The following EHMT1 variants were observed in gnomAD, a reference collection of about 807,000 sequenced individuals.
EHMT1 encodes the protein euchromatic histone lysine methyltransferase 1.
In EHMT1, 15 loss-of-function variants were observed where a neutral mutation model predicts 147.2. The ratio of observed to expected loss-of-function variants is 0.10; its 90% CI spans 0.07 to 0.16. The LOEUF (loss-of-function observed/expected upper bound fraction) is 0.16, where lower values mean the gene tolerates loss of function less well. Ranked by LOEUF, EHMT1 falls within the 10% of genes least tolerant of loss-of-function variation. EHMT1 has a pLI of 1.00. For missense variants in EHMT1, 1,587 were observed against 1,772.4 expected, an observed-to-expected ratio of 0.90 and a Z score of 1.88; for synonymous variants, 795 against 709.6, an observed-to-expected ratio of 1.12 and a Z score of -1.91.
At chr9:137,781,697 G>T (rs1228826508) in intron 14 of EHMT1, among the ~76,000 whole-genome samples, 1 of 152,204 alleles carries the variant, frequency 6.6e-6, no homozygotes, top group Non-Finnish European at 1.5e-5. Flanking sequence ...GACGTTCATC[G>T]TCTCTGGGTT....
At chr9:137,734,659 T>C (rs1320374750) in intron 4 of EHMT1, among the ~76,000 whole-genome samples, 1 of 152,216 alleles carries the variant, frequency 6.6e-6, no homozygotes, top group Non-Finnish European at 1.5e-5. Flanking sequence ...CACGTTATAC[T>C]TGAGACACTT....
intron 1 of EHMT1, among the ~76,000 whole-genome samples, chr9:137,640,656 A>G (rs1360253850): frequency 6.6e-6 from 1 of 152,244 alleles, no homozygotes; most frequent in African/African-American, 2.4e-5. Flanking sequence ...AAAAAATGCT[A>G]GAATTCTCTG....
rs1273782554 is a variant in EHMT1 at position 137,728,353 on chromosome 9, C to T, written c.647C>T (p.Ala216Val). The T allele has an allele frequency of 6.2e-7, 1 of 1,614,178 alleles. No homozygotes were observed. Among genetic ancestry groups the T allele is most frequent in the Non-Finnish European group, 8.5e-7 (1 of 1,180,038 alleles). The change falls in exon 4 of 27, where the codon GCA becomes GTA. Residue 216 changes from alanine (A) to valine (V), a missense_variant. Around this residue, in one of 7 missense-constraint regions of EHMT1, gnomAD observed 810 missense variants for 673.0 expected, o/e 1.20. Coordinates refer to ENST00000460843, the MANE Select transcript of EHMT1 (RefSeq NM_024757.5). ...TMPKSVVGLH[A>V]ASKDPREVRE... ...TTCACTGTCTTTGTTTTGAAGCATG[C>T]AGCCAGTAAAGATCCCAGAGAAGTT...
intron 9 of EHMT1, among the ~76,000 whole-genome samples, chr9:137,759,873 C>G (rs1000393872): frequency 6.6e-6 from 1 of 152,118 alleles, no homozygotes; most frequent in African/African-American, 2.4e-5. Flanking sequence ...CAGGCGCCAT[C>G]GGCCTGTGGA....
In EHMT1 at chr9:137,681,026, C is replaced by T. The variant is rs185247060; in HGVS notation, c.22-29941C>T. The T allele has an allele frequency of 1.6e-3, 250 of 152,390 alleles. 3 individuals carry two copies. Among genetic ancestry groups the T allele is most frequent in the South Asian group, 7.5e-3 (36 of 4,822 alleles). The allele number at this position is 152,390 out of a possible 1,614,324, so 9.4% of individuals were successfully genotyped here. A position where few individuals can be genotyped will look rare whatever the true frequency, so the allele number is the denominator to read the frequency against. On this transcript the variant is annotated intron_variant, in intron 1 of 26. Coordinates refer to ENST00000460843, the MANE Select transcript of EHMT1 (RefSeq NM_024757.5). ...AAAGTGCTATTTTGGGTTTTATACT[C>T]GGGGCCACCTGACCCGCTGGACTGA...
intron 1 of EHMT1, among the ~76,000 whole-genome samples, chr9:137,709,059 T>A (rs1022270569): frequency 6.6e-6 from 1 of 152,130 alleles, no homozygotes; most frequent in Admixed American, 6.6e-5. Flanking sequence ...GTTGCTGGAG[T>A]ACACTTCGGT....
At chr9:137,758,655 T>C (rs1300700494) in intron 9 of EHMT1, among the ~76,000 whole-genome samples, 1 of 152,128 alleles carries the variant, frequency 6.6e-6, no homozygotes, top group African/African-American at 2.4e-5. Flanking sequence ...GAAATGCAAA[T>C]CTTATTTACA....
chr9:137,812,743 G>A (rs982728889), intron 19 of EHMT1, among the ~76,000 whole-genome samples: 4 of 152,214 alleles, frequency 2.6e-5, no homozygotes, highest in African/African-American at 4.8e-5. Context: ...ATCAAATGCC[G>A]CCCTGGATTT....
chr9:137,724,099 TTC>T, intron 3 of EHMT1, among the ~76,000 whole-genome samples: 1 of 152,224 alleles, frequency 6.6e-6, no homozygotes, highest in Non-Finnish European at 1.5e-5. Context: ...CCCCTTGTTT[TTC>T]TCTCTGTGTG....
chr9:137,781,340 TGTG>T lies in EHMT1; in HGVS notation c.2276-947_2276-945del, dbSNP rs1391100849. On this transcript the variant is annotated intron_variant, in intron 14 of 26. Transcript: ENST00000460843. ...GATGTGTGGTGATGACGCTGAGACG[TGTG>T]GTGATGACGCTGAGACGTGTGGTGA... Among the ~76,000 whole-genome samples the T allele has an allele frequency of 6.5e-4, 95 of 145,728 alleles. 1 individual carries two copies. The highest frequency in any genetic ancestry group is 2.2e-3 in the African/African-American group (87 of 39,294).
chr9:137,641,071 T>G, intron 1 of EHMT1: 1 of 248,192 alleles, frequency 4.0e-6, no homozygotes, highest in Non-Finnish European at 7.9e-6. Context: ...CTTCGTCTTC[T>G]CCTTCTTTAT....
chr9:137,829,878 G>A (rs961224365), intron 25 of EHMT1, among the ~76,000 whole-genome samples: 1 of 152,200 alleles, frequency 6.6e-6, no homozygotes, highest in Non-Finnish European at 1.5e-5. Flanking sequence ...TGGCCACCCC[G>A]AGCATCCATG....
At chr9:137,743,130 G>C (rs546222680) in intron 4 of EHMT1, 200 of 497,302 alleles carry the variant, frequency 4.0e-4, no homozygotes, top group Non-Finnish European at 6.5e-4. Flanking sequence ...TCCGTGTTTT[G>C]TTGTGAATGG....
At chr9:137,770,537 G>T (rs1713778960) in intron 10 of EHMT1, among the ~76,000 whole-genome samples, 1 of 152,184 alleles carries the variant, frequency 6.6e-6, no homozygotes, top group Admixed American at 6.5e-5. Context: ...TAATTCTCTG[G>T]GGGGAAGAAG....
chr9:137,780,583 G>GGCATCA (rs1951354693), intron 14 of EHMT1, among the ~76,000 whole-genome samples: 1 of 142,822 alleles, frequency 7.0e-6, no homozygotes, highest in African/African-American at 2.7e-5. Context: ...TGGTGATGAC[G>GGCATCA]CTGGGATGTG....
rs376810828 is a variant in EHMT1, at chr9:137,716,816, G to A, written c.276G>A (p.Ala92=). ...GCACCAACACACTAACTCGGATAGC[G>A]GAAAATGGGGTTTCAGAAAGAGACT... ...QDGTNTLTRI[A]ENGVSERDSE... The change falls in exon 3 of 27, where the codon GCG becomes GCA. Residue 92 remains alanine, a synonymous_variant. Transcript: ENST00000460843. 97 of 1,613,302 alleles carry A rather than the reference G, an allele frequency of 6.0e-5. No individual in the cohort carries two copies. Among genetic ancestry groups the A allele is most frequent in the Middle Eastern group, 5.0e-4 (3 of 6,058 alleles).
chr9:137,710,927 C>T, intron 1 of EHMT1, 40 bp from the exon 2 acceptor site: 2 of 1,570,052 alleles, frequency 1.3e-6, no homozygotes, highest in Admixed American at 1.9e-5. Flanking sequence ...AAGCGGCCTC[C>T]CACTGAACCC....
chr9:137,670,128 G>A lies in EHMT1; in HGVS notation c.22-40839G>A, dbSNP rs369639316. Among the ~76,000 whole-genome samples, 80 of 152,304 alleles carry A rather than the reference G, an allele frequency of 5.3e-4. 1 individual carries two copies. The highest frequency in any genetic ancestry group is 1.9e-3 in the African/African-American group (77 of 41,568). Reference sequence around the variant, plus strand: ...GCCTGCCTCAGCCTCCCAAAGTGCTGGGATTACAGGCGTGAGCCACCGCGC... The same window carrying A: ...GCCTGCCTCAGCCTCCCAAAGTGCTAGGATTACAGGCGTGAGCCACCGCGC... On this transcript the variant is annotated intron_variant, in intron 1 of 26. Coordinates refer to ENST00000460843, the MANE Select transcript of EHMT1 (RefSeq NM_024757.5).
intron 4 of EHMT1, among the ~76,000 whole-genome samples, chr9:137,737,310 A>G (rs1270366326): frequency 6.6e-6 from 1 of 152,270 alleles, no homozygotes; most frequent in African/African-American, 2.4e-5. Context: ...AAAGACAGAC[A>G]TATAGGCCAG....
Sources: allele counts gnomAD v4.1 joint callset (sites outside exome capture counted in the v4.1 genomes callset), GRCh38; gene constraint gnomAD v4.1.1; regional missense constraint gnomAD v4.1.1; transcripts MANE v1.5; gene names NCBI Gene and HGNC (gene_info 2026-07-23, HGNC 2026-07-21).